The following FOXK2 variants were observed in gnomAD, a reference collection of about 807,000 sequenced individuals.
The protein encoded by FOXK2 is forkhead box K2, also known as forkhead box protein K2.
In FOXK2, 24 loss-of-function variants were observed where a neutral mutation model predicts 53.3. The observed-to-expected ratio is 0.45, with a 90% CI of 0.33 to 0.63. FOXK2 has a LOEUF of 0.63. FOXK2 is among the 30% of genes least tolerant of loss of function. FOXK2 has a pLI of 0.03. For synonymous variants in FOXK2, 505 were observed against 407.1 expected (o/e 1.24, Z -2.89); for missense variants, 952 against 910.5 (o/e 1.05, Z -0.59).
In FOXK2 at chr17:82,600,906, C is replaced by T. The variant is rs73371739; in HGVS notation, c.1787-397C>T. 2.4e-3 allele frequency: 395 copies of T among 167,032 alleles called. 2 individuals carry two copies. Among genetic ancestry groups the T allele is most frequent in the African/African-American group, 8.9e-3 (376 of 42,066 alleles). The allele number at this position is 167,032 out of a possible 1,614,324, so 10.3% of individuals were successfully genotyped here. On this transcript the variant is annotated intron_variant, in intron 8 of 8. Coordinates refer to ENST00000335255, the MANE Select transcript of FOXK2 (RefSeq NM_004514.4). ...GAGCAGCGAGCGGCAGCCACTCCTTCGCCGAGCCAGCAGGGCCATCTCCTG... is the reference window on the plus strand; with the variant it reads ...GAGCAGCGAGCGGCAGCCACTCCTTTGCCGAGCCAGCAGGGCCATCTCCTG...
intron 3 of FOXK2, among the ~76,000 whole-genome samples, chr17:82,570,837 C>T (rs1002618627): frequency 6.6e-6 from 1 of 152,208 alleles, no homozygotes. Context: ...GTCACTATGA[C>T]AGGGAGCCAC....
chr17:82,530,465 A>G (rs28681209), intron 1 of FOXK2, among the ~76,000 whole-genome samples: 3,199 of 126,038 alleles, frequency 0.025, 183 homozygotes, highest in African/African-American at 0.096. Context: ...AAAAAAAAAA[A>G]AGAGAGAGAA....
chr17:82,584,930 G>T (rs2045115295), intron 6 of FOXK2, among the ~76,000 whole-genome samples: 2 of 152,226 alleles, frequency 1.3e-5, no homozygotes, highest in Non-Finnish European at 1.5e-5. Context: ...TGTGTGCCCT[G>T]GGGAATTAAA....
At chr17:82,574,572 G>A (rs1288421876) in intron 4 of FOXK2, among the ~76,000 whole-genome samples, 6 of 152,036 alleles carry the variant, frequency 3.9e-5, no homozygotes. Context: ...TGCCTGCCTC[G>A]GTCTCCCGAA....
At chr17:82,593,388 G>A (rs1326329508) in intron 8 of FOXK2, 1 of 152,584 alleles carries the variant, frequency 6.6e-6, no homozygotes, top group Non-Finnish European at 1.5e-5. Flanking sequence ...AAAGAGGAAG[G>A]AAGGAAAGGA....
intron 1 of FOXK2, among the ~76,000 whole-genome samples, chr17:82,550,912 C>T (rs923413605): frequency 2.0e-5 from 3 of 152,210 alleles, no homozygotes; most frequent in Non-Finnish European, 4.4e-5. Flanking sequence ...CACTGTGAAG[C>T]ACTGCGTGCA....
intron 8 of FOXK2, chr17:82,598,799 T>G (rs954778735): frequency 7.9e-5 from 12 of 152,286 alleles, no homozygotes; most frequent in African/African-American, 2.9e-4. Context: ...CTCATCTCAT[T>G]CAGGGTATTG....
rs771880131 is a variant in FOXK2 at position 82,601,355 on chromosome 17, C to T, written c.1839C>T (p.Ser613=). ...MLATHASASA[S]LPTKRHNGDQ... is the part of the protein sequence containing the mutation. ...CAACACACGCATCCGCATCGGCCTCCCTGCCCACAAAGCGCCACAACGGTG... is the reference window on the plus strand; with the variant it reads ...CAACACACGCATCCGCATCGGCCTCTCTGCCCACAAAGCGCCACAACGGTG... The change falls in exon 9 of 9, where the codon TCC becomes TCT. Residue 613 remains serine (S), a synonymous_variant. Transcript: ENST00000335255. The T allele has an allele frequency of 1.4e-5, 23 of 1,613,276 alleles. No homozygotes were observed. The highest frequency in any genetic ancestry group is 1.9e-5 in the Non-Finnish European group (22 of 1,180,046).
chr17:82,570,228 AAAAG>A (rs1370998383), intron 3 of FOXK2, among the ~76,000 whole-genome samples: 2 of 151,982 alleles, frequency 1.3e-5, no homozygotes, highest in Non-Finnish European at 2.9e-5. Flanking sequence ...TCTCAAAAAA[AAAAG>A]AGAGACAAAT....
chr17:82,528,627 T>A (rs1158109803), intron 1 of FOXK2, among the ~76,000 whole-genome samples: 3 of 152,140 alleles, frequency 2.0e-5, no homozygotes, highest in Non-Finnish European at 4.4e-5. Flanking sequence ...GAACAAGGTG[T>A]TACAGCTGTA....
intron 3 of FOXK2, among the ~76,000 whole-genome samples, chr17:82,568,562 C>A (rs1189510241): frequency 1.3e-5 from 2 of 152,154 alleles, no homozygotes; most frequent in Non-Finnish European, 2.9e-5. Context: ...CAAATGCACA[C>A]CCTGCCACTC....
chr17:82,569,480 T>C (rs12452440), intron 3 of FOXK2, among the ~76,000 whole-genome samples: 84,073 of 152,024 alleles, frequency 0.55, 23,682 homozygotes, highest in East Asian at 0.75. Context: ...GTAGAGGTAG[T>C]GGGCTGAGAG....
chr17:82,584,949 CAT>C (rs1567983774), intron 6 of FOXK2, among the ~76,000 whole-genome samples: 1 of 152,240 alleles, frequency 6.6e-6, no homozygotes, highest in African/African-American at 2.4e-5. Context: ...AACAAACAAA[CAT>C]AGTGTGGAAA....
intron 1 of FOXK2, among the ~76,000 whole-genome samples, chr17:82,540,908 G>T (rs1013152763): frequency 9.9e-5 from 15 of 152,172 alleles, no homozygotes; most frequent in African/African-American, 3.6e-4. Flanking sequence ...TGTTAATACT[G>T]TGTTGGCTTG....
intron 1 of FOXK2, among the ~76,000 whole-genome samples, chr17:82,533,130 C>G (rs754695168): frequency 4.9e-4 from 74 of 152,294 alleles, no homozygotes; most frequent in Non-Finnish European, 9.8e-4. Context: ...AAGGACCTAC[C>G]TGGGGCTGTT....
chr17:82,533,536 TTTATTA>T (rs2044492213), intron 1 of FOXK2, among the ~76,000 whole-genome samples: 1 of 151,948 alleles, frequency 6.6e-6, no homozygotes. Context: ...GTAACTGTCA[TTTATTA>T]TTATTAAGTA....
intron 1 of FOXK2, among the ~76,000 whole-genome samples, chr17:82,540,279 C>CAAA (rs77390515): frequency 7.5e-6 from 1 of 133,634 alleles, no homozygotes. Context: ...GAAACTGTCT[C>CAAA]AAAAAAAAAA....
At chr17:82,521,515 G>T (rs1316502626) in intron 1 of FOXK2, among the ~76,000 whole-genome samples, 2 of 151,936 alleles carry the variant, frequency 1.3e-5, no homozygotes, top group Non-Finnish European at 2.9e-5. Context: ...GGAGATGCTG[G>T]TAAGAGCTGT....
rs117103533 is a variant in FOXK2 at position 82,548,591 on chromosome 17, G to A, written c.420-14763G>A. Among the ~76,000 whole-genome samples, 60 of 152,230 alleles carry A rather than the reference G, an allele frequency of 3.9e-4. No homozygotes were observed. In the East Asian group the frequency reaches 0.011, roughly 28 times the overall value. ...TCCCATTCCATCCTTTGCCCTGTTT[G>A]TTGATACTGTATTTCATATATTCAA... On this transcript the variant is annotated intron_variant, in intron 1 of 8. Coordinates refer to ENST00000335255, the MANE Select transcript of FOXK2 (RefSeq NM_004514.4).
Sources: allele counts gnomAD v4.1 joint callset (sites outside exome capture counted in the v4.1 genomes callset), GRCh38; gene constraint gnomAD v4.1.1; transcripts MANE v1.5; gene names NCBI Gene and HGNC (gene_info 2026-07-23, HGNC 2026-07-21).